PRSS53: variants seen among roughly 807,000 people sequenced by gnomAD.
PRSS53 encodes the protein serine protease 53, also known as EDTP308.
PRSS53 carries 54 observed loss-of-function variants against 62.7 expected under a neutral mutation model. The observed-to-expected ratio is 0.86, with a 90% confidence interval of 0.69 to 1.08. PRSS53 has a LOEUF of 1.08. PRSS53 is among the 50% of genes least tolerant of loss of function. The pLI, the probability that PRSS53 is intolerant of heterozygous loss-of-function variation, is 0.00. For synonymous variants in PRSS53, 273 were observed against 300.0 expected (o/e 0.91, Z 0.93); for missense variants, 688 against 728.3 (o/e 0.94, Z 0.64).
At chr16:31,087,816 G>A (rs186661372) in exon 2 of PRSS53, 111 of 1,614,008 alleles carry the variant, frequency 6.9e-5, no homozygotes, top group Admixed American at 4.8e-4. Flanking sequence ...CACGCTGAGC[G>A]GCTTGAAGAC....
rs1283967491 is a variant in PRSS53 at position 31,086,012 on chromosome 16, C to T, written c.835G>A (p.Ala279Thr). ...ATCTCCGGGGTCTCTGGGCTCTGGG[C>T]CAGGAAAGCTGCCCCCTGAACTCGA... The change falls in exon 6 of 11, where the codon GCC (alanine) becomes ACC (threonine). Residue 279 changes from alanine to threonine, a missense_variant. Physicochemically the swap from Ala to Thr is moderately conservative, Grantham distance 58. Coordinates refer to ENST00000280606, the Ensembl canonical transcript of PRSS53. 6 of 1,614,068 alleles carry T rather than the reference C, an allele frequency of 3.7e-6. No homozygotes were observed. The Admixed American group carries it at 6.7e-5, about 18-fold the overall frequency.
intron 6 of PRSS53, among the ~76,000 whole-genome samples, chr16:31,085,595 C>T (rs1401771387): frequency 6.6e-6 from 1 of 152,184 alleles, no homozygotes; most frequent in Non-Finnish European, 1.5e-5. Context: ...TAGTGCATCT[C>T]TTATCATCAA....
chr16:31,083,522 C>G (rs1392807619), exon 11 of PRSS53: 1 of 1,370,838 alleles, frequency 7.3e-7, no homozygotes, highest in Non-Finnish European at 9.4e-7. Flanking sequence ...ACGTGGCTGG[C>G]GTGATTGTAT....
exon 7 of PRSS53, chr16:31,085,138 C>T: frequency 6.2e-7 from 1 of 1,612,360 alleles, no homozygotes. Context: ...GCAGTTAGCA[C>T]CGCCTCCTCT....
chr16:31,087,222 CTT>C (rs1292080124), intron 3 of PRSS53: 1 of 534,366 alleles, frequency 1.9e-6, no homozygotes, highest in East Asian at 3.3e-5. Context: ...GTCTTGAACT[CTT>C]GGGCTCAAGC....
In PRSS53 at chr16:31,086,071, G is replaced by A. The variant is rs778711072; in HGVS notation, c.776C>T (p.Thr259Ile). The A allele has an allele frequency of 1.2e-5, 20 of 1,613,886 alleles. No individual in the cohort carries two copies. Among genetic ancestry groups the A allele is most frequent in the Non-Finnish European group, 1.7e-5 (20 of 1,179,994 alleles). Residue 259 changes from threonine (T) to isoleucine (I), a missense_variant, in exon 6 of 11, where the codon ACC (threonine) becomes ATC (isoleucine). Coordinates refer to ENST00000280606, the Ensembl canonical transcript of PRSS53. ...CCAGGAACTGTGAGCAGCTGTGTTG[G>A]TCAGCAGCACAGGAGCGTCCTCCTG...
exon 7 of PRSS53, chr16:31,085,180 CCTGGTG>C: frequency 6.2e-7 from 1 of 1,609,868 alleles, no homozygotes; most frequent in South Asian, 1.1e-5. Flanking sequence ...GCCAGCTGTC[CCTGGTG>C]CATCAGCCTG....
chr16:31,086,597 G>T, intron 4 of PRSS53, 36 bp downstream of exon 4: 10 of 1,544,394 alleles, frequency 6.5e-6, no homozygotes, highest in Non-Finnish European at 8.8e-6. Context: ...GGCAAGCAGA[G>T]TGCCTCTCCG....
At chr16:31,085,774 C>T (rs1373261020) in intron 6 of PRSS53, among the ~76,000 whole-genome samples, 190 bp downstream of exon 6, 2 of 152,186 alleles carry the variant, frequency 1.3e-5, no homozygotes, top group Non-Finnish European at 2.9e-5. Flanking sequence ...CTCTTCTCAC[C>T]TAAACTCCAA....
At position 31,085,959 on chromosome 16, in the gene PRSS53, C is replaced by A. The variant is rs755259638; in HGVS notation, c.883+5G>T. ...CTGCCCACTCCCAGCATGCCCCACTCGTACCTACACAGCTGTCCTCATCAC... is the reference window on the plus strand; with the variant it reads ...CTGCCCACTCCCAGCATGCCCCACTAGTACCTACACAGCTGTCCTCATCAC... On this transcript the variant is annotated splice_donor_5th_base_variant and intron_variant, in intron 6 of 10. Transcript: ENST00000280606. 1.9e-6 allele frequency: 3 copies of A among 1,605,778 alleles called. No homozygotes were observed. Among genetic ancestry groups the A allele is most frequent in the Non-Finnish European group, 2.6e-6 (3 of 1,173,272 alleles).
Position 31,084,136 on chromosome 16 carries a change from C to T in PRSS53, c.1625G>A (p.Ser542Asn). 7 of 1,584,534 alleles carry T rather than the reference C, an allele frequency of 4.4e-6. No individual in the cohort carries two copies. The Middle Eastern group carries it at 5.0e-4, about 114-fold the overall frequency. The change falls in exon 10 of 11, where the codon AGC becomes AAC. Residue 542 changes from serine (S) to asparagine (N), a missense_variant. Transcript: ENST00000280606. ...CCACATACTTATGTTGGCCAGGCAGCTTCCAGGCTCAGCCTCGGGCTCTGG... is the reference window on the plus strand; with the variant it reads ...CCACATACTTATGTTGGCCAGGCAGTTTCCAGGCTCAGCCTCGGGCTCTGG...
Position 31,087,790 on chromosome 16 carries a change from T to G in PRSS53, c.79+16A>C. 1 of 1,614,046 alleles carries G rather than the reference T, an allele frequency of 6.2e-7. No individual in the cohort carries two copies. The highest frequency in any genetic ancestry group is 8.5e-7 in the Non-Finnish European group (1 of 1,180,014). On this transcript the variant is annotated intron_variant, in intron 2 of 10. Transcript: ENST00000280606. The stretch of plus-strand genomic sequence containing the variant: ...AGACCCAAGTAAGACCTAGGCCCCG[T>G]GTCCCCAGACCTTACCACGCTGAGC...
Position 31,085,023 on chromosome 16 carries a change from G to A in PRSS53, c.1036C>T (p.Arg346Cys), listed in dbSNP as rs1266505463. ...ACGCTCCATTCCTCTGGGGCCTGGC[G>A]CCTGTGCAGAGGCAGTGTGGACGGC... Residue 346 changes from arginine to cysteine, a missense_variant and splice_region_variant, in exon 8 of 11, where the codon CGC (arginine) becomes TGC (cysteine). Coordinates refer to ENST00000280606, the Ensembl canonical transcript of PRSS53. 9 of 1,599,854 alleles carry A rather than the reference G, an allele frequency of 5.6e-6. No individual in the cohort carries two copies. The East Asian group carries it at 8.9e-5, about 16-fold the overall frequency.
At chr16:31,086,293 G>A (rs752232506) in intron 5 of PRSS53, 44 bp downstream of exon 5, 1 of 1,589,096 alleles carries the variant, frequency 6.3e-7, no homozygotes, top group Non-Finnish European at 8.6e-7. Context: ...CCAGCCCAGG[G>A]TTAGGCCCCT....
chr16:31,085,257 C>A (rs780366001), exon 7 of PRSS53: 1 of 1,558,026 alleles, frequency 6.4e-7, no homozygotes, highest in Non-Finnish European at 8.7e-7. Context: ...CAAGGATCCA[C>A]AGGCTGAAAC....
intron 3 of PRSS53, chr16:31,087,293 G>A (rs1019986482): frequency 5.6e-5 from 32 of 572,208 alleles, no homozygotes; most frequent in South Asian, 4.3e-4. Context: ...TACTGTGCCC[G>A]GCCTCAGTCT....
Position 31,084,115 on chromosome 16 carries a change from ATACT to A in PRSS53, c.1642_1642+3del. On this transcript the variant is annotated splice_donor_variant and splice_donor_region_variant and coding_sequence_variant and intron_variant, in exon 10 of 11. Coordinates refer to ENST00000280606, the Ensembl canonical transcript of PRSS53. LOFTEE classifies it high-confidence loss of function. ...GTTTGGCAGGAGGCCCCGGGGCCAC[ATACT>A]TATGTTGGCCAGGCAGCTTCCAGGC... The A allele has an allele frequency of 6.4e-7, 1 of 1,570,608 alleles. No individual in the cohort carries two copies. Among genetic ancestry groups the A allele is most frequent in the Non-Finnish European group, 8.6e-7 (1 of 1,158,718 alleles).
At position 31,087,842 on chromosome 16, in the gene PRSS53, C is replaced by G. The variant is rs760991213; in HGVS notation, c.59-16G>C. 6.2e-6 allele frequency: 10 copies of G among 1,613,628 alleles called. No individual in the cohort carries two copies. In the African/African-American group the frequency reaches 9.3e-5, roughly 15 times the overall value. On this transcript the variant is annotated splice_polypyrimidine_tract_variant and intron_variant, in intron 1 of 10. Transcript: ENST00000280606. ...GCTTGAAGACCTGGGAAGAGAGAGA[C>G]ACAGGTAAGATGCAGGGACTCCAGG... is the stretch of plus-strand genomic sequence containing the variant.
intron 1 of PRSS53, chr16:31,088,295 C>T: frequency 8.9e-7 from 1 of 1,126,390 alleles, no homozygotes; most frequent in South Asian, 2.4e-5. Context: ...TCAGTCTTCC[C>T]CACCTTCCCA....
Sources: allele counts gnomAD v4.1 joint callset (sites outside exome capture counted in the v4.1 genomes callset), GRCh38; gene constraint gnomAD v4.1.1; transcripts MANE v1.5; gene names NCBI Gene and HGNC (gene_info 2026-07-23, HGNC 2026-07-21).